ABCC12: variants seen among roughly 807,000 people sequenced by gnomAD.
ABCC12 encodes ATP-binding cassette sub-family C member 12.
A neutral mutation model predicts 151.1 loss-of-function variants in ABCC12; 142 were observed. The ratio of observed to expected loss-of-function variants is 0.94; its 90% CI spans 0.82 to 1.08. ABCC12 has a LOEUF of 1.08. Among genes scored for constraint, ABCC12 ranks in the 50% least tolerant of loss-of-function variants. The probability of loss-of-function intolerance (pLI) is 0.00; values close to 1 mark genes in which losing one functional copy is unlikely to be tolerated. For synonymous variants in ABCC12, 645 were observed against 646.4 expected (o/e 1.00, Z 0.03); for missense variants, 1,638 against 1,691.1 (o/e 0.97, Z 0.55).
intron 3 of ABCC12, 29 bp downstream of exon 3, chr16:48,146,277 C>G (rs755598083): frequency 1.3e-6 from 2 of 1,597,454 alleles, no homozygotes; most frequent in Admixed American, 3.3e-5. Flanking sequence ...CCTGCCCTGG[C>G]CCTCCCTTCT....
rs550515363 is a variant in ABCC12 at position 48,146,694 on chromosome 16, T to C, written c.-50-220A>G. 41 of 340,446 alleles carry C rather than the reference T, an allele frequency of 1.2e-4. 1 individual carries two copies. Among genetic ancestry groups the C allele is most frequent in the African/African-American group, 5.9e-4 (28 of 47,170 alleles). 21.1% of individuals were successfully genotyped at this position (340,446 alleles called of 1,614,324 possible). ...ATTAGTAGGACCATTTAATTCCTCT[T>C]TTCTCATGTTGGGTTGGCCAAGAGC... On this transcript the variant is annotated intron_variant, in intron 2 of 30. Coordinates refer to ENST00000311303, the MANE Select transcript of ABCC12 (RefSeq NM_001393797.1).
At chr16:48,115,761 A>G in intron 14 of ABCC12, 143 bp from the exon 15 acceptor site, 1 of 858,514 alleles carries the variant, frequency 1.2e-6, no homozygotes, top group Non-Finnish European at 1.7e-6. Context: ...CGCCCCTTAC[A>G]GGGCCCCCGG....
chr16:48,136,356 A>C (rs1964608989), intron 8 of ABCC12, among the ~76,000 whole-genome samples: 1 of 152,140 alleles, frequency 6.6e-6, no homozygotes, highest in Non-Finnish European at 1.5e-5. Flanking sequence ...TCTGCAGGGA[A>C]GCCATTCCCA....
intron 27 of ABCC12, chr16:48,087,182 T>G (rs7203314): frequency 4.8e-6 from 1 of 207,262 alleles, no homozygotes; most frequent in Non-Finnish European, 9.9e-6. Flanking sequence ...AGAGGGAGAG[T>G]GAGCAACCCA....
chr16:48,120,943 G>A (rs913837366), intron 13 of ABCC12, among the ~76,000 whole-genome samples: 6 of 152,036 alleles, frequency 3.9e-5, no homozygotes, highest in Admixed American at 2.6e-4. Flanking sequence ...ATACATACTC[G>A]CAATTTTCGT....
chr16:48,126,141 T>C (rs1476356278), intron 11 of ABCC12, among the ~76,000 whole-genome samples: 1 of 152,228 alleles, frequency 6.6e-6, no homozygotes, highest in African/African-American at 2.4e-5. Context: ...AATTCCTGCC[T>C]CATGAAATGA....
At chr16:48,152,292 A>T (rs942013354) in intron 2 of ABCC12, among the ~76,000 whole-genome samples, 3 of 152,188 alleles carry the variant, frequency 2.0e-5, no homozygotes, top group African/African-American at 7.2e-5. Context: ...TCATTCTTGC[A>T]TAGGTCCTTG....
chr16:48,085,541 C>T (rs547605544), intron 29 of ABCC12, 52 bp downstream of exon 29: 22 of 1,504,520 alleles, frequency 1.5e-5, no homozygotes, highest in East Asian at 1.1e-4. Flanking sequence ...GATTGAGTGG[C>T]GCTGCGGGAA....
chr16:48,088,852 C>T, intron 25 of ABCC12, 118 bp from the exon 26 acceptor site: 1 of 824,872 alleles, frequency 1.2e-6, no homozygotes, highest in Non-Finnish European at 1.8e-6. Flanking sequence ...GTGAAATAAA[C>T]CAATAATGAC....
intron 11 of ABCC12, among the ~76,000 whole-genome samples, chr16:48,125,067 G>T (rs1382607267): frequency 6.6e-6 from 1 of 152,196 alleles, no homozygotes; most frequent in African/African-American, 2.4e-5. Context: ...AGATGTCTTA[G>T]CTTGAGTTTT....
chr16:48,137,857 T>G (rs968622218), intron 8 of ABCC12, among the ~76,000 whole-genome samples: 1 of 152,240 alleles, frequency 6.6e-6, no homozygotes, highest in East Asian at 1.9e-4. Flanking sequence ...GAGGTCTGTG[T>G]AACCCTGGAT....
At chr16:48,105,989 A>G (rs1963480001) in intron 20 of ABCC12, among the ~76,000 whole-genome samples, 1 of 152,150 alleles carries the variant, frequency 6.6e-6, no homozygotes, top group South Asian at 2.1e-4. Flanking sequence ...TGCCCAGTGA[A>G]AACACACAAT....
chr16:48,083,718 C>T lies in ABCC12; in HGVS notation c.4077G>A (p.Leu1359=), dbSNP rs201205440. ...CTAGAATCAGCCGCCAGGACCTCTA[C>T]AATCTGACTTCTGCTGCTAGTAACA... ...FAMLLAAEVR[L] The change falls in exon 31 of 31, where the codon TTG becomes TTA. Residue 1359 remains leucine (L), a synonymous_variant. Coordinates refer to ENST00000311303, the MANE Select transcript of ABCC12 (RefSeq NM_001393797.1). 3 of 1,614,196 alleles carry T rather than the reference C, an allele frequency of 1.9e-6. No homozygotes were observed. Among genetic ancestry groups the T allele is most frequent in the South Asian group, 2.2e-5 (2 of 91,076 alleles).
At chr16:48,140,999 A>G in intron 5 of ABCC12, 79 bp from the exon 6 acceptor site, 1 of 1,457,430 alleles carries the variant, frequency 6.9e-7, no homozygotes. Flanking sequence ...TCATGCCAGC[A>G]AGCTGACTTT....
At chr16:48,118,876 A>G (rs192652221) in intron 13 of ABCC12, among the ~76,000 whole-genome samples, 2 of 152,354 alleles carry the variant, frequency 1.3e-5, no homozygotes, top group Admixed American at 1.3e-4. Flanking sequence ...GCTCTATAAA[A>G]TTGTGCAAAC....
intron 23 of ABCC12, among the ~76,000 whole-genome samples, chr16:48,098,115 A>G (rs1400416531): frequency 6.6e-6 from 1 of 151,308 alleles, no homozygotes; most frequent in Non-Finnish European, 1.5e-5. Context: ...ACACACACAC[A>G]CACACACACA....
intron 9 of ABCC12, among the ~76,000 whole-genome samples, chr16:48,132,267 G>A (rs925296012): frequency 2.6e-5 from 4 of 152,166 alleles, no homozygotes; most frequent in Non-Finnish European, 5.9e-5. Flanking sequence ...GCTCACAGCT[G>A]GGCTGAAGGC....
chr16:48,101,525 C>A (rs1466774006), intron 22 of ABCC12, among the ~76,000 whole-genome samples: 1 of 151,998 alleles, frequency 6.6e-6, no homozygotes, highest in Non-Finnish European at 1.5e-5. Flanking sequence ...TGTGGAAGCT[C>A]CAGGAGCCCT....
intron 4 of ABCC12, among the ~76,000 whole-genome samples, chr16:48,142,894 G>A (rs988542076): frequency 1.1e-4 from 17 of 152,188 alleles, no homozygotes; most frequent in African/African-American, 4.1e-4. Context: ...AGCCCAGGGT[G>A]TGTTTAATCA....
Sources: gnomAD v4.1 joint callset for allele counts (sites outside exome capture counted in the v4.1 genomes callset) on GRCh38, gnomAD v4.1.1 for gene constraint, MANE v1.5 for transcripts, NCBI Gene and HGNC (gene_info 2026-07-23, HGNC 2026-07-21) for gene names.